Variants in CFAP47 observed in about 807,000 individuals in gnomAD.
CFAP47 encodes cilia and flagella associated protein 47, also known as cilia- and flagella-associated protein 47.
CFAP47 carries 29 observed loss-of-function variants against 148.1 expected under a neutral mutation model. That is an observed-to-expected ratio of 0.20 (90% CI 0.15 to 0.27). The LOEUF (loss-of-function observed/expected upper bound fraction) is 0.27. Ranked by LOEUF, CFAP47 falls within the 10% of genes least tolerant of loss-of-function variation. The pLI is 1.00. For missense variants in CFAP47, 1,872 were observed against 1,697.5 expected (o/e 1.10, Z -1.81); for synonymous variants, 664 against 577.3 (o/e 1.15, Z -2.15).
At chrX:36,256,389 A>G (rs1182058730) in intron 49 of CFAP47, among the ~76,000 whole-genome samples, 4 of 112,273 alleles carry the variant, frequency 3.6e-5, no homozygotes, top group Non-Finnish European at 7.5e-5. Flanking sequence ...TGTTCACAAC[A>G]TAAAGCAACT....
At chrX:36,111,728 C>A (rs1212053770) in intron 33 of CFAP47, among the ~76,000 whole-genome samples, 1 of 111,118 alleles carries the variant, frequency 9.0e-6, no homozygotes, top group Non-Finnish European at 1.9e-5. Flanking sequence ...GCTGTGAATC[C>A]ATTTGGTCCT....
intron 49 of CFAP47, among the ~76,000 whole-genome samples, chrX:36,270,332 T>C (rs1418856570): frequency 9.0e-6 from 1 of 110,763 alleles, no homozygotes; most frequent in African/African-American, 3.3e-5. Flanking sequence ...CTTAATAGGG[T>C]TACTCATTCT....
At chrX:36,161,554 GTATTATT>G (rs1939430420) in intron 39 of CFAP47, among the ~76,000 whole-genome samples, 1 of 111,479 alleles carries the variant, frequency 9.0e-6, no homozygotes, top group South Asian at 3.7e-4. Flanking sequence ...AAATTTTCAA[GTATTATT>G]TAATGACACA....
chrX:36,223,335 T>C (rs1555991041), intron 45 of CFAP47, among the ~76,000 whole-genome samples: 2 of 111,189 alleles, frequency 1.8e-5, no homozygotes, highest in African/African-American at 6.5e-5. Flanking sequence ...ACATTGAGTT[T>C]TTAGCAGTAG....
At chrX:36,262,293 G>A (rs1328514497) in intron 49 of CFAP47, among the ~76,000 whole-genome samples, 1 of 110,807 alleles carries the variant, frequency 9.0e-6, no homozygotes, top group Non-Finnish European at 1.9e-5. Context: ...ACCCTGTTTT[G>A]GTATCAAATA....
intron 57 of CFAP47, among the ~76,000 whole-genome samples, chrX:36,344,072 G>A (rs782153345): frequency 1.9e-5 from 2 of 103,078 alleles, no homozygotes; most frequent in African/African-American, 3.6e-5. Flanking sequence ...GAATAATGCC[G>A]CAATAAGTGG....
At chrX:36,344,677 A>G (rs1314253735) in intron 57 of CFAP47, among the ~76,000 whole-genome samples, 2 of 112,074 alleles carry the variant, frequency 1.8e-5, no homozygotes, top group African/African-American at 6.5e-5. Flanking sequence ...TTCACTATCT[A>G]AAAGCCTAGG....
chrX:36,119,710 T>G (rs1287648064), intron 33 of CFAP47, among the ~76,000 whole-genome samples: 1 of 111,797 alleles, frequency 8.9e-6, no homozygotes, highest in Non-Finnish European at 1.9e-5. Context: ...ACTGGGAGAC[T>G]TTTTATTATG....
chrX:36,352,415 A>T (rs782576366), intron 59 of CFAP47, among the ~76,000 whole-genome samples: 27 of 111,324 alleles, frequency 2.4e-4, no homozygotes, highest in African/African-American at 8.4e-4. Flanking sequence ...TTTAGAATAA[A>T]ATTTACATTT....
At chrX:36,074,957 C>T (rs1478336453) in intron 29 of CFAP47, among the ~76,000 whole-genome samples, 1 of 110,894 alleles carries the variant, frequency 9.0e-6, no homozygotes. Context: ...TCAAAAACTA[C>T]TGGATTTCAC....
At chrX:36,175,026 C>T (rs1240584656) in intron 39 of CFAP47, among the ~76,000 whole-genome samples, 1 of 110,764 alleles carries the variant, frequency 9.0e-6, no homozygotes, top group African/African-American at 3.3e-5. Context: ...CTCTAAACTT[C>T]CCTTCTCGCT....
intron 49 of CFAP47, among the ~76,000 whole-genome samples, chrX:36,272,073 T>C (rs1215269267): frequency 1.8e-5 from 2 of 111,950 alleles, no homozygotes; most frequent in Non-Finnish European, 3.8e-5. Flanking sequence ...ACTGAAAAGT[T>C]AAAGTTGAGC....
intron 48 of CFAP47, among the ~76,000 whole-genome samples, chrX:36,245,644 C>T (rs1940606143): frequency 9.0e-6 from 1 of 111,340 alleles, no homozygotes; most frequent in African/African-American, 3.3e-5. Flanking sequence ...GGTAGAAGAT[C>T]TCTGCAAAGG....
chrX:36,251,351 A>G lies in CFAP47; in HGVS notation c.7351A>G (p.Ile2451Val), dbSNP rs1555998199. ...CTTATAGGTAACTGCAGATCTTCCA[A>G]TAGTGTGGGGAAATCCACAAATTAC... Reference protein sequence around the residue: ...LTFKVTADLPIVWGNPQITVY... With the variant: ...LTFKVTADLPVVWGNPQITVY... The change falls in exon 49 of 64, where the codon ATA becomes GTA. Residue 2451 changes from isoleucine to valine, a missense_variant. Ile to Val is a conservative substitution (Grantham distance 29). Transcript: ENST00000378653. 2.6e-5 allele frequency: 13 copies of G among 502,880 alleles called. No homozygotes were observed. The highest frequency in any genetic ancestry group is 2.8e-5 in the Admixed American group (1 of 36,153). The allele number at this position is 502,880 out of a possible 1,213,427, so 41.4% of individuals were successfully genotyped here.
At chrX:36,108,134 C>G (rs771923930) in intron 33 of CFAP47, among the ~76,000 whole-genome samples, 5 of 111,674 alleles carry the variant, frequency 4.5e-5, no homozygotes, top group Non-Finnish European at 7.5e-5. Flanking sequence ...TGTATGCTAG[C>G]TAAAGCATTT....
chrX:36,232,822 T>C (rs1940387593), intron 46 of CFAP47, among the ~76,000 whole-genome samples: 1 of 111,969 alleles, frequency 8.9e-6, no homozygotes, highest in African/African-American at 3.2e-5. Context: ...GTGTCTTTGT[T>C]CTTATTGGTT....
At chrX:36,042,611 A>G (rs1452341430) in intron 25 of CFAP47, among the ~76,000 whole-genome samples, 1 of 111,124 alleles carries the variant, frequency 9.0e-6, no homozygotes, top group Non-Finnish European at 1.9e-5. Flanking sequence ...AATGAGCTGT[A>G]TAGAACTGTA....
chrX:36,037,329 A>G (rs1265136787), intron 24 of CFAP47, among the ~76,000 whole-genome samples: 3 of 104,600 alleles, frequency 2.9e-5, no homozygotes, highest in Non-Finnish European at 5.7e-5. Flanking sequence ...TAGGCTCCCA[A>G]CTTTACTCTT....
chrX:36,029,901 C>G (rs1480101790), intron 22 of CFAP47, among the ~76,000 whole-genome samples: 31 of 110,117 alleles, frequency 2.8e-4, no homozygotes. Context: ...TTAGTATTTA[C>G]TAATTATTTA....
Sources: allele counts gnomAD v4.1 joint callset (sites outside exome capture counted in the v4.1 genomes callset), GRCh38; gene constraint gnomAD v4.1.1; transcripts MANE v1.5; gene names NCBI Gene and HGNC (gene_info 2026-07-23, HGNC 2026-07-21).